CC2D2B: variants seen among roughly 807,000 people sequenced by gnomAD.
CC2D2B encodes coiled-coil and C2 domain containing 2B.
CC2D2B carries 128 observed loss-of-function variants against 161.2 expected under a neutral mutation model. The ratio of observed to expected loss-of-function variants is 0.79; its 90% CI spans 0.69 to 0.92. The LOEUF (loss-of-function observed/expected upper bound fraction) is 0.92. Among genes scored for constraint, CC2D2B ranks in the 40% least tolerant of loss-of-function variants. CC2D2B has a pLI of 0.00. For synonymous variants in CC2D2B, 391 were observed against 449.8 expected (o/e 0.87, Z 1.65); for missense variants, 1,173 against 1,375.1 (o/e 0.85, Z 2.32).
At chr10:95,959,415 C>CA (rs769592283) in intron 11 of CC2D2B, among the ~76,000 whole-genome samples, 133 of 152,178 alleles carry the variant, frequency 8.7e-4, no homozygotes, top group South Asian at 4.1e-4. Flanking sequence ...TTCTGATGCA[C>CA]AAAAAAGTTT....
At chr10:96,017,451 G>T (rs1362249357) in intron 30 of CC2D2B, among the ~76,000 whole-genome samples, 1 of 152,106 alleles carries the variant, frequency 6.6e-6, no homozygotes, top group African/African-American at 2.4e-5. Flanking sequence ...AGTACCTGTG[G>T]ACCAACACTG....
Position 95,994,870 on chromosome 10 carries a change from A to G in CC2D2B, c.2643-399A>G, listed in dbSNP as rs190596040. 1.7e-3 allele frequency among the ~76,000 whole-genome samples: 266 copies of G among 152,328 alleles called. 2 individuals carry two copies. Among genetic ancestry groups the G allele is most frequent in the Non-Finnish European group, 1.5e-3 (101 of 68,028 alleles). ...TCTATATCTAATCTGTATTATAACT[A>G]TTCTTATTTTAACTATTTTCCTTAT... On this transcript the variant is annotated intron_variant, in intron 22 of 34. Coordinates refer to ENST00000646931, the MANE Select transcript of CC2D2B (RefSeq NM_001349008.3).
At chr10:95,924,035 A>T (rs373506494) in intron 3 of CC2D2B, among the ~76,000 whole-genome samples, 2 of 152,274 alleles carry the variant, frequency 1.3e-5, no homozygotes, top group African/African-American at 4.8e-5. Flanking sequence ...AAAAATAAAA[A>T]AAATAAAAAA....
chr10:95,934,672 G>A (rs61559520), intron 6 of CC2D2B, among the ~76,000 whole-genome samples: 40,747 of 152,008 alleles, frequency 0.27, 6,385 homozygotes, highest in Admixed American at 0.37. Context: ...CTTCCTGGGT[G>A]AGGCGGTGCC....
intron 2 of CC2D2B, among the ~76,000 whole-genome samples, chr10:95,914,084 T>C (rs1216909977): frequency 6.6e-6 from 1 of 152,208 alleles, no homozygotes; most frequent in Non-Finnish European, 1.5e-5. Flanking sequence ...TTAGTAGTTT[T>C]ATACTTTCAG....
chr10:96,025,193 ATATATAT>A lies in CC2D2B; in HGVS notation c.3947+283_3947+289del, dbSNP rs1242415927. ...TATATATATATATATATAAAAAAAA[ATATATAT>A]ATATATATATATATATATATAGCTG... On this transcript the variant is annotated intron_variant, in intron 33 of 34. Coordinates refer to ENST00000646931, the MANE Select transcript of CC2D2B (RefSeq NM_001349008.3). Among the ~76,000 whole-genome samples the A allele has an allele frequency of 1.8e-3, 100 of 54,744 alleles. 5 individuals are homozygous for A. Among genetic ancestry groups the A allele is most frequent in the South Asian group, 9.8e-3 (15 of 1,528 alleles). The allele number at this position is 54,744 out of a possible 152,430, so 35.9% of individuals were successfully genotyped here. A position where few individuals can be genotyped will look rare whatever the true frequency, so the allele number is the denominator to read the frequency against.
At chr10:96,010,016 C>A in intron 26 of CC2D2B, 93 bp downstream of exon 26, 4 of 738,088 alleles carry the variant, frequency 5.4e-6, no homozygotes, top group Admixed American at 2.1e-5. Context: ...CTGTGATTGG[C>A]AGGCTGGTAG....
intron 9 of CC2D2B, among the ~76,000 whole-genome samples, 175 bp from the exon 10 acceptor site, chr10:95,949,721 A>G (rs980981391): frequency 2.0e-5 from 3 of 152,120 alleles, no homozygotes; most frequent in Non-Finnish European, 4.4e-5. Context: ...AATATATTTG[A>G]TGAAATTAAG....
chr10:96,025,171 ATATATATATAT>A lies in CC2D2B; in HGVS notation c.3947+261_3947+271del, dbSNP rs1203175361. Reference sequence around the variant, plus strand: ...TAAAAAAAAATATATATATATATATATATATATATATATAAAAAAAAATATATATATATATA... The same window carrying A: ...TAAAAAAAAATATATATATATATATAATAAAAAAAAATATATATATATATA... On this transcript the variant is annotated intron_variant, in intron 33 of 34. Transcript: ENST00000646931. Among the ~76,000 whole-genome samples, 106 of 24,840 alleles carry A rather than the reference ATATATATATAT, an allele frequency of 4.3e-3. 4 individuals are homozygous for A. Among genetic ancestry groups the A allele is most frequent in the Admixed American group, 7.4e-3 (14 of 1,890 alleles). 16.3% of individuals were successfully genotyped at this position (24,840 alleles called of 152,430 possible). A position where few individuals can be genotyped will look rare whatever the true frequency, so the allele number is the denominator to read the frequency against.
intron 24 of CC2D2B, among the ~76,000 whole-genome samples, chr10:96,003,586 TTGTGTGTGTGTGTGTG>T (rs68085058): frequency 3.9e-5 from 5 of 127,654 alleles, no homozygotes; most frequent in South Asian, 2.7e-4. Flanking sequence ...GCCCGGCTAA[TTGTGTGTGTGTGTGTG>T]TGTGTGTGTG....
intron 24 of CC2D2B, chr10:95,999,793 G>A (rs1285866713): frequency 6.0e-6 from 2 of 335,362 alleles, no homozygotes; most frequent in Non-Finnish European, 1.2e-5. Context: ...GACTTTATAG[G>A]GAGTAGGTTC....
At chr10:96,021,239 A>G (rs1402173916) in intron 32 of CC2D2B, 1 of 152,234 alleles carries the variant, frequency 6.6e-6, no homozygotes, top group Non-Finnish European at 1.5e-5. Context: ...GCCAATTCAA[A>G]CTTCTCAGTA....
In CC2D2B at chr10:95,938,013, C is replaced by G; in HGVS notation, c.359C>G (p.Pro120Arg). 6.5e-7 allele frequency: 1 copy of G among 1,549,490 alleles called. No individual in the cohort carries two copies. Among genetic ancestry groups the G allele is most frequent in the Non-Finnish European group, 8.7e-7 (1 of 1,145,304 alleles). ...SEQRPVNRSY[P>R]KCFSLGVNLQ... ...CAGAGACCAGTAAACCGTAGTTATCCCAAATGCTTTTCACTTGGTGTTAAT... is the reference window on the plus strand; with the variant it reads ...CAGAGACCAGTAAACCGTAGTTATCGCAAATGCTTTTCACTTGGTGTTAAT... The change falls in exon 7 of 35, where the codon CCC becomes CGC. Residue 120 changes from proline to arginine, a missense_variant. Coordinates refer to ENST00000646931, the MANE Select transcript of CC2D2B (RefSeq NM_001349008.3).
intron 10 of CC2D2B, among the ~76,000 whole-genome samples, chr10:95,950,695 A>T (rs1165310581): frequency 6.6e-6 from 1 of 152,246 alleles, no homozygotes; most frequent in East Asian, 1.9e-4. Context: ...TTTGAAATCA[A>T]ATCCCCTCTA....
At chr10:95,945,753 A>G (rs538006974) in intron 9 of CC2D2B, among the ~76,000 whole-genome samples, 8 of 150,902 alleles carry the variant, frequency 5.3e-5, no homozygotes, top group Admixed American at 2.0e-4. Flanking sequence ...GCTACCTCTC[A>G]AAAGAATTCA....
intron 9 of CC2D2B, among the ~76,000 whole-genome samples, chr10:95,943,867 A>G (rs10882695): frequency 0.12 from 18,552 of 152,162 alleles, 1,924 homozygotes; most frequent in African/African-American, 0.27. Context: ...TCCACCAGAA[A>G]TGTTCCATCC....
intron 24 of CC2D2B, chr10:96,000,060 T>C (rs532070027): frequency 1.4e-6 from 2 of 1,474,832 alleles, no homozygotes; most frequent in Non-Finnish European, 1.8e-6. Context: ...TTGTAGACTC[T>C]TCCAGTTTTG....
At chr10:96,025,181 A>T (rs2079678666) in intron 33 of CC2D2B, among the ~76,000 whole-genome samples, 2 of 17,428 alleles carry the variant, frequency 1.1e-4, no homozygotes, top group African/African-American at 2.9e-4. Flanking sequence ...ATATATATAT[A>T]TATAAAAAAA....
rs1564684123 is a variant in CC2D2B, at chr10:96,025,179, AT to A, written c.3947+269del. On this transcript the variant is annotated intron_variant, in intron 33 of 34. Coordinates refer to ENST00000646931, the MANE Select transcript of CC2D2B (RefSeq NM_001349008.3). ...AATATATATATATATATATATATATATATATAAAAAAAAATATATATATATA... is the reference window on the plus strand; with the variant it reads ...AATATATATATATATATATATATATAATATAAAAAAAAATATATATATATA... Among the ~76,000 whole-genome samples, 103 of 14,686 alleles carry A rather than the reference AT, an allele frequency of 7.0e-3. 4 individuals are homozygous for A. The highest frequency in any genetic ancestry group is 0.019 in the African/African-American group (99 of 5,176). 9.6% of individuals were successfully genotyped at this position (14,686 alleles called of 152,430 possible). A position where few individuals can be genotyped will look rare whatever the true frequency, so the allele number is the denominator to read the frequency against.
Sources: allele counts gnomAD v4.1 joint callset (sites outside exome capture counted in the v4.1 genomes callset), GRCh38; gene constraint gnomAD v4.1.1; transcripts MANE v1.5; gene names NCBI Gene and HGNC (gene_info 2026-07-23, HGNC 2026-07-21).